Variants in RGS3 observed in about 807,000 individuals in gnomAD.
RGS3 encodes the protein regulator of G-protein signalling 3.
Under a neutral mutation model 132.6 loss-of-function variants are expected in RGS3, and 80 were observed. The ratio of observed to expected loss-of-function variants is 0.60; its 90% confidence interval spans 0.50 to 0.73. RGS3 has a LOEUF of 0.73. Among genes scored for constraint, RGS3 ranks in the 30% least tolerant of loss-of-function variants. RGS3 has a pLI of 0.00. For synonymous variants in RGS3, 598 were observed against 620.6 expected (o/e 0.96, Z 0.54); for missense variants, 1,382 against 1,530.8 (o/e 0.90, Z 1.62).
chr9:113,496,496 T>C (rs936479568), intron 8 of RGS3, among the ~76,000 whole-genome samples: 1 of 152,030 alleles, frequency 6.6e-6, no homozygotes, highest in Non-Finnish European at 1.5e-5. Flanking sequence ...CTGGGGTGGG[T>C]GGCTGAGGAC....
intron 17 of RGS3, among the ~76,000 whole-genome samples, chr9:113,525,572 G>T (rs1832163983): frequency 6.6e-6 from 1 of 152,160 alleles, no homozygotes; most frequent in South Asian, 2.1e-4. Flanking sequence ...TGACTCCTAG[G>T]TTTCTTATTT....
At chr9:113,560,590 C>T (rs559299968) in intron 19 of RGS3, among the ~76,000 whole-genome samples, 3 of 152,188 alleles carry the variant, frequency 2.0e-5, no homozygotes, top group Admixed American at 6.5e-5. Context: ...TTCCTAGTAC[C>T]GGCTCCGGCA....
chr9:113,570,484 T>C (rs1834236580), intron 19 of RGS3: 1 of 152,038 alleles, frequency 6.6e-6, no homozygotes, highest in Non-Finnish European at 1.5e-5. Flanking sequence ...AATAAACCTT[T>C]TAAATTGAAG....
At position 113,565,377 on chromosome 9, in the gene RGS3, G is replaced by T; in HGVS notation, c.2038-18073G>T. 7.8e-7 allele frequency: 1 copy of T among 1,290,142 alleles called. No individual in the cohort carries two copies. The highest frequency in any genetic ancestry group is 1.2e-5 in the South Asian group (1 of 81,550). The allele number at this position is 1,290,142 out of a possible 1,614,324, so 79.9% of individuals were successfully genotyped here. ...CTAGACAGGGTGTGTGTTTGGGAAAGGCGCTGGAGGAGGAGGAAGAGGAGG... is the reference window on the plus strand; with the variant it reads ...CTAGACAGGGTGTGTGTTTGGGAAATGCGCTGGAGGAGGAGGAAGAGGAGG... On this transcript the variant is annotated intron_variant, in intron 19 of 24. Coordinates refer to ENST00000350696, the Ensembl canonical transcript of RGS3. This position sits in a 1 kb window ranked among gnomAD's most constrained non-coding sequence, Gnocchi z 5.7.
At chr9:113,529,661 G>A (rs975586641) in intron 18 of RGS3, among the ~76,000 whole-genome samples, 2 of 152,208 alleles carry the variant, frequency 1.3e-5, no homozygotes, top group East Asian at 1.9e-4. Context: ...TTTCCAGGAA[G>A]TACCACCAAC....
chr9:113,479,573 A>C (rs747379953), intron 4 of RGS3, 32 bp downstream of exon 2: 28 of 1,611,850 alleles, frequency 1.7e-5, no homozygotes, highest in African/African-American at 2.7e-5. Flanking sequence ...CTCACCAAGG[A>C]AGGGGCGGGC....
chr9:113,547,377 A>G (rs1386096994), intron 19 of RGS3, among the ~76,000 whole-genome samples: 2 of 152,166 alleles, frequency 1.3e-5, no homozygotes, highest in Non-Finnish European at 2.9e-5. Context: ...CACCCAAATT[A>G]TGAGCACATT....
At chr9:113,575,621 GTGC>G (rs1232544650) in intron 19 of RGS3, among the ~76,000 whole-genome samples, 2 of 152,184 alleles carry the variant, frequency 1.3e-5, no homozygotes, top group Non-Finnish European at 2.9e-5. Context: ...CTGGATTTTA[GTGC>G]TGATTCTGTT....
At chr9:113,476,550 A>G (rs573701263) in intron 3 of RGS3, among the ~76,000 whole-genome samples, 20 of 152,178 alleles carry the variant, frequency 1.3e-4, no homozygotes, top group Non-Finnish European at 2.5e-4. Flanking sequence ...AACAGGGTAC[A>G]GGGCACCCTG....
Position 113,512,201 on chromosome 9 carries a change from G to A in RGS3, c.1478-2257G>A, listed in dbSNP as rs147930682. On this transcript the variant is annotated intron_variant, in intron 14 of 24. Coordinates refer to ENST00000350696, the Ensembl canonical transcript of RGS3. ...GGGAAGTCAGTGATCAAGCTCGGGT[G>A]TCTTATCCAACTCAAATTCAGTGAT... Among the ~76,000 whole-genome samples, 115 of 152,292 alleles carry A rather than the reference G, an allele frequency of 7.6e-4. 1 individual carries two copies. Among genetic ancestry groups the A allele is most frequent in the African/African-American group, 2.5e-3 (102 of 41,566 alleles).
chr9:113,549,486 T>A (rs1421920644), intron 19 of RGS3, among the ~76,000 whole-genome samples: 1 of 152,218 alleles, frequency 6.6e-6, no homozygotes, highest in Non-Finnish European at 1.5e-5. Context: ...TTTGTTGTAT[T>A]GTTGCAAAAG....
chr9:113,503,899 TTTTC>T (rs994782902), intron 10 of RGS3, among the ~76,000 whole-genome samples: 3 of 152,124 alleles, frequency 2.0e-5, no homozygotes, highest in African/African-American at 4.8e-5. Flanking sequence ...CCGCGTTTGT[TTTTC>T]TTTCTTTCTT....
At chr9:113,501,957 G>C (rs896797085) in intron 10 of RGS3, among the ~76,000 whole-genome samples, 12 of 152,216 alleles carry the variant, frequency 7.9e-5, no homozygotes, top group African/African-American at 2.9e-4. Flanking sequence ...AGCAGAGTTT[G>C]TATTTTTGCT....
chr9:113,515,027 A>C (rs1427219787), intron 15 of RGS3, among the ~76,000 whole-genome samples: 2 of 152,174 alleles, frequency 1.3e-5, no homozygotes, highest in Non-Finnish European at 2.9e-5. Flanking sequence ...AAAATAACTG[A>C]GGGAGACCCT....
intron 19 of RGS3, among the ~76,000 whole-genome samples, chr9:113,556,961 C>T (rs1402463762): frequency 1.3e-5 from 2 of 152,238 alleles, no homozygotes; most frequent in African/African-American, 4.8e-5. Flanking sequence ...GTAGTCACCT[C>T]TGTCAACAGC....
intron 3 of RGS3, among the ~76,000 whole-genome samples, chr9:113,474,575 C>A (rs145801676): frequency 2.0e-5 from 3 of 152,220 alleles, no homozygotes; most frequent in East Asian, 3.9e-4. Context: ...CTCCCTCCTG[C>A]GAGGAAGACT....
chr9:113,533,960 C>G (rs1832577134), intron 18 of RGS3, among the ~76,000 whole-genome samples: 1 of 152,236 alleles, frequency 6.6e-6, no homozygotes, highest in Non-Finnish European at 1.5e-5. Flanking sequence ...AGCGCACCAC[C>G]CAGTTCCCTG....
chr9:113,526,021 G>A (rs972125598), intron 17 of RGS3, among the ~76,000 whole-genome samples: 11 of 152,178 alleles, frequency 7.2e-5, no homozygotes, highest in African/African-American at 2.4e-4. Flanking sequence ...GAGAGCTGGC[G>A]CTAACAATTG....
chr9:113,535,408 T>C (rs1832639201), intron 18 of RGS3, among the ~76,000 whole-genome samples: 1 of 152,232 alleles, frequency 6.6e-6, no homozygotes, highest in African/African-American at 2.4e-5. Flanking sequence ...CCTGACCTCA[T>C]GATCCACCCG....
Sources: allele counts gnomAD v4.1 joint callset (sites outside exome capture counted in the v4.1 genomes callset), GRCh38; gene constraint gnomAD v4.1.1; non-coding constraint Gnocchi (gnomAD v3.1); transcripts MANE v1.5; gene names NCBI Gene and HGNC (gene_info 2026-07-23, HGNC 2026-07-21).